CPQ: variants seen among roughly 807,000 people sequenced by gnomAD.
CPQ encodes carboxypeptidase Q, also known as Ser-Met dipeptidase.
Under a neutral mutation model 45.7 loss-of-function variants are expected in CPQ, and 37 were observed. That is an observed-to-expected ratio of 0.81 (90% CI 0.62 to 1.07). The LOEUF (loss-of-function observed/expected upper bound fraction) is 1.07, where lower values mean the gene tolerates loss of function less well. CPQ is among the 50% of genes least tolerant of loss of function. CPQ has a pLI of 0.00. For missense variants in CPQ, 537 were observed against 572.9 expected (o/e 0.94, Z 0.64); for synonymous variants, 186 against 205.8 (o/e 0.90, Z 0.82).
At chr8:96,653,704 T>A (rs781232328) in intron 1 of CPQ, among the ~76,000 whole-genome samples, 22 of 152,124 alleles carry the variant, frequency 1.4e-4, no homozygotes, top group Non-Finnish European at 2.8e-4. Flanking sequence ...AGAGAAAATA[T>A]ATTTACTATT....
chr8:97,018,451 A>T (rs1323654642), intron 5 of CPQ, among the ~76,000 whole-genome samples: 1 of 152,268 alleles, frequency 6.6e-6, no homozygotes, highest in Non-Finnish European at 1.5e-5. Flanking sequence ...GGGAGGTACC[A>T]GAGAGAAACA....
chr8:97,032,425 G>T (rs549845132), intron 6 of CPQ, among the ~76,000 whole-genome samples: 1 of 152,286 alleles, frequency 6.6e-6, no homozygotes, highest in African/African-American at 2.4e-5. Context: ...CACTCCATTG[G>T]CAAGAACTAG....
intron 3 of CPQ, among the ~76,000 whole-genome samples, chr8:96,861,718 G>A (rs888247866): frequency 2.6e-5 from 4 of 152,044 alleles, no homozygotes; most frequent in Admixed American, 1.3e-4. Context: ...CCGATTATCT[G>A]GTACCCACAG....
chr8:96,682,187 G>T (rs1215561681), intron 1 of CPQ, among the ~76,000 whole-genome samples: 1 of 152,142 alleles, frequency 6.6e-6, no homozygotes, highest in Non-Finnish European at 1.5e-5. Context: ...GATATGGTTT[G>T]GCTGTGTTCC....
rs776345537 is a variant in CPQ, at chr8:96,966,065, G to A, written c.961+19G>A. 1.3e-6 allele frequency: 2 copies of A among 1,538,052 alleles called. No individual in the cohort carries two copies. Among genetic ancestry groups the A allele is most frequent in the East Asian group, 2.2e-5 (1 of 44,506 alleles). ...GATCTTGGTAAATATTTAGAAAATT[G>A]TTAACTAATGTGTGAGGATCTCAGT... On this transcript the variant is annotated intron_variant, in intron 5 of 7. Transcript: ENST00000220763.
intron 7 of CPQ, among the ~76,000 whole-genome samples, chr8:97,101,974 C>T (rs1295170183): frequency 6.6e-6 from 1 of 150,544 alleles, no homozygotes; most frequent in Non-Finnish European, 1.5e-5. Flanking sequence ...CTCTCTCTCT[C>T]TCTCCTGATA....
chr8:97,130,442 T>C (rs4130408), intron 7 of CPQ, among the ~76,000 whole-genome samples: 4,850 of 131,866 alleles, frequency 0.037, 170 homozygotes, highest in African/African-American at 0.1. Context: ...TTTTTTTTTT[T>C]CCACAAAAAT....
chr8:97,108,570 G>T (rs1811444359), intron 7 of CPQ, among the ~76,000 whole-genome samples: 1 of 152,088 alleles, frequency 6.6e-6, no homozygotes, highest in African/African-American at 2.4e-5. Flanking sequence ...TTTGCCTACT[G>T]CAATCGCTTT....
intron 4 of CPQ, among the ~76,000 whole-genome samples, chr8:96,921,868 G>A (rs1019105181): frequency 3.9e-5 from 6 of 152,052 alleles, no homozygotes; most frequent in African/African-American, 4.8e-5. Flanking sequence ...AAGTTACAAC[G>A]GTGACTATGT....
intron 1 of CPQ, among the ~76,000 whole-genome samples, chr8:96,732,120 T>C (rs916675239): frequency 1.3e-5 from 2 of 152,136 alleles, no homozygotes; most frequent in East Asian, 3.8e-4. Context: ...AAATCAAAAG[T>C]GGTGTAAAAT....
chr8:96,717,910 T>C (rs1185897835), intron 1 of CPQ, among the ~76,000 whole-genome samples: 1 of 152,132 alleles, frequency 6.6e-6, no homozygotes, highest in East Asian at 1.9e-4. Flanking sequence ...GAGTAGCAGG[T>C]GACAGTAAGC....
chr8:96,813,818 G>T (rs1811188565), intron 2 of CPQ, among the ~76,000 whole-genome samples: 1 of 152,116 alleles, frequency 6.6e-6, no homozygotes, highest in African/African-American at 2.4e-5. Flanking sequence ...ATAGGGCCCT[G>T]GGTAGGGCAG....
In CPQ at chr8:96,677,964, C is replaced by T. The variant is rs542645697; in HGVS notation, c.-35+32562C>T. Among the ~76,000 whole-genome samples the T allele has an allele frequency of 2.3e-4, 35 of 151,808 alleles. No individual in the cohort carries two copies. In the East Asian group the frequency reaches 4.1e-3, roughly 18 times the overall value. On this transcript the variant is annotated intron_variant, in intron 1 of 7. Transcript: ENST00000220763. The stretch of plus-strand genomic sequence containing the variant: ...ATTTATGTTTTTGTATGCTTTGTTG[C>T]GGATCAGCACTTACTTAATATATTT...
chr8:96,882,964 A>G (rs1352283865), intron 4 of CPQ, among the ~76,000 whole-genome samples: 1 of 152,164 alleles, frequency 6.6e-6, no homozygotes, highest in African/African-American at 2.4e-5. Flanking sequence ...GCAGCCAGTG[A>G]TCTCCTTTCT....
At chr8:96,960,990 C>T (rs1813451094) in intron 4 of CPQ, among the ~76,000 whole-genome samples, 1 of 152,130 alleles carries the variant, frequency 6.6e-6, no homozygotes. Flanking sequence ...AGTTTGAGAA[C>T]TTCTGAATGT....
At chr8:96,906,087 A>T (rs1563525681) in intron 4 of CPQ, among the ~76,000 whole-genome samples, 1 of 152,266 alleles carries the variant, frequency 6.6e-6, no homozygotes, top group East Asian at 1.9e-4. Context: ...GGCAATTCTG[A>T]GTCACCGGGT....
chr8:96,676,597 G>T (rs539075066), intron 1 of CPQ, among the ~76,000 whole-genome samples: 9 of 152,108 alleles, frequency 5.9e-5, no homozygotes, highest in African/African-American at 2.2e-4. Flanking sequence ...TGGTTATTGT[G>T]AATAGTGCTA....
intron 7 of CPQ, among the ~76,000 whole-genome samples, chr8:97,068,305 A>C (rs1321881829): frequency 6.6e-6 from 1 of 152,134 alleles, no homozygotes; most frequent in African/African-American, 2.4e-5. Context: ...AATAGAATGG[A>C]GTGGGGAGAC....
At chr8:97,002,241 CT>C (rs1423228136) in intron 5 of CPQ, among the ~76,000 whole-genome samples, 1 of 151,776 alleles carries the variant, frequency 6.6e-6, no homozygotes, top group Non-Finnish European at 1.5e-5. Flanking sequence ...TTTTTAATGG[CT>C]TTTTGTGTCT....
Sources: allele counts gnomAD v4.1 joint callset (sites outside exome capture counted in the v4.1 genomes callset), GRCh38; gene constraint gnomAD v4.1.1; transcripts MANE v1.5; gene names NCBI Gene and HGNC (gene_info 2026-07-23, HGNC 2026-07-21).